The following SLC4A10 variants were observed in gnomAD, a reference collection of about 807,000 sequenced individuals.
The protein encoded by SLC4A10 is solute carrier family 4 member 10, also known as sodium-driven chloride bicarbonate exchanger.
Under a neutral mutation model 137.7 loss-of-function variants are expected in SLC4A10, and 42 were observed. That is an observed-to-expected ratio of 0.30 (90% CI 0.24 to 0.39). The LOEUF (loss-of-function observed/expected upper bound fraction) is 0.39, where lower values mean the gene tolerates loss of function less well. SLC4A10 is among the 10% of genes least tolerant of loss of function. SLC4A10 has a pLI of 1.00. For missense variants in SLC4A10, 925 were observed against 1,355.0 expected (o/e 0.68, Z 4.98); for synonymous variants, 474 against 464.1 (o/e 1.02, Z -0.27).
At chr2:161,789,237 G>A (rs796602753) in intron 2 of SLC4A10, among the ~76,000 whole-genome samples, 7 of 152,316 alleles carry the variant, frequency 4.6e-5, no homozygotes, top group Admixed American at 3.3e-4. Context: ...GATTTCAAGG[G>A]CAGAGGGGTT....
intron 3 of SLC4A10, among the ~76,000 whole-genome samples, chr2:161,839,298 G>A (rs780322578): frequency 6.6e-5 from 10 of 152,172 alleles, no homozygotes; most frequent in Non-Finnish European, 1.2e-4. Flanking sequence ...TGGTTGCTGG[G>A]GGCTACAAAA....
At chr2:161,692,851 G>C (rs2042131200) in intron 1 of SLC4A10, among the ~76,000 whole-genome samples, 1 of 151,854 alleles carries the variant, frequency 6.6e-6, no homozygotes, top group Non-Finnish European at 1.5e-5. Context: ...ATTACAATTT[G>C]ACTTTCCATG....
At chr2:161,657,455 T>C (rs962128817) in intron 1 of SLC4A10, among the ~76,000 whole-genome samples, 3 of 152,064 alleles carry the variant, frequency 2.0e-5, no homozygotes, top group African/African-American at 7.2e-5. Context: ...ATTAGTTGAG[T>C]AAAGTTATTA....
At chr2:161,977,606 TAG>T in intron 25 of SLC4A10, 114 bp from the exon 26 acceptor site, 4 of 808,442 alleles carry the variant, frequency 4.9e-6, no homozygotes, top group Non-Finnish European at 7.8e-6. Flanking sequence ...CTCTTTTTGT[TAG>T]AGAGTGATTG....
At chr2:161,969,696 T>C (rs866330568) in intron 23 of SLC4A10, among the ~76,000 whole-genome samples, 34 of 152,222 alleles carry the variant, frequency 2.2e-4, no homozygotes, top group African/African-American at 7.9e-4. Flanking sequence ...TCTTAACATA[T>C]ACACTATAGG....
intron 15 of SLC4A10, among the ~76,000 whole-genome samples, chr2:161,914,911 C>A (rs948718316): frequency 3.3e-5 from 5 of 152,126 alleles, no homozygotes; most frequent in African/African-American, 1.2e-4. Context: ...GAGTCCCTGG[C>A]AAAACCCCAC....
intron 1 of SLC4A10, among the ~76,000 whole-genome samples, chr2:161,681,332 A>G (rs2040828633): frequency 6.6e-6 from 1 of 152,174 alleles, no homozygotes; most frequent in Non-Finnish European, 1.5e-5. Context: ...TCAGAGACTC[A>G]CAGAATTTTG....
chr2:161,713,494 A>T (rs2044515861), intron 1 of SLC4A10, among the ~76,000 whole-genome samples: 1 of 151,730 alleles, frequency 6.6e-6, no homozygotes, highest in Non-Finnish European at 1.5e-5. Flanking sequence ...ACAAGCACTC[A>T]AAAGTCCTAG....
chr2:161,833,072 A>G (rs2058543560), intron 3 of SLC4A10, among the ~76,000 whole-genome samples: 1 of 152,190 alleles, frequency 6.6e-6, no homozygotes, highest in South Asian at 2.1e-4. Flanking sequence ...ACAATTTTAG[A>G]GATACATACC....
chr2:161,815,113 C>T (rs1191789963), intron 3 of SLC4A10, among the ~76,000 whole-genome samples: 1 of 151,840 alleles, frequency 6.6e-6, no homozygotes, highest in Non-Finnish European at 1.5e-5. Flanking sequence ...AATCTCAGGC[C>T]CCATCCAGAC....
chr2:161,752,546 A>G (rs1054000973), intron 1 of SLC4A10, among the ~76,000 whole-genome samples: 2 of 152,136 alleles, frequency 1.3e-5, no homozygotes, highest in Non-Finnish European at 2.9e-5. Flanking sequence ...GATATAAAAT[A>G]TAATTCTATG....
intron 15 of SLC4A10, among the ~76,000 whole-genome samples, chr2:161,921,816 T>C (rs1377058547): frequency 1.3e-5 from 2 of 152,334 alleles, no homozygotes; most frequent in African/African-American, 2.4e-5. Flanking sequence ...TTCTGACATA[T>C]TAAAGTAAAA....
rs147550445 is a variant in SLC4A10, at chr2:161,772,383, AAT to A, written c.130+1333_130+1334del. Among the ~76,000 whole-genome samples the A allele has an allele frequency of 6.5e-3, 984 of 152,028 alleles. 11 individuals carry two copies. The highest frequency in any genetic ancestry group is 0.022 in the African/African-American group (934 of 41,530). On this transcript the variant is annotated intron_variant, in intron 2 of 26. Coordinates refer to ENST00000446997, the MANE Select transcript of SLC4A10 (RefSeq NM_001178015.2). ...TAACAAAGCAAGATGGTAGCCTAGA[AAT>A]ATACTCAATTCCAAGAAAAAATCAT... is the stretch of plus-strand genomic sequence containing the variant.
chr2:161,686,023 A>G (rs913151374), intron 1 of SLC4A10, among the ~76,000 whole-genome samples: 11 of 152,216 alleles, frequency 7.2e-5, no homozygotes, highest in Non-Finnish European at 1.6e-4. Context: ...TTAGCCCCCA[A>G]CAGGAAAGTG....
At chr2:161,823,619 T>G (rs1240315069) in intron 3 of SLC4A10, among the ~76,000 whole-genome samples, 1 of 152,240 alleles carries the variant, frequency 6.6e-6, no homozygotes, top group African/African-American at 2.4e-5. Flanking sequence ...TTGCTTGACA[T>G]GTACTGCAGA....
chr2:161,901,023 T>C lies in SLC4A10; in HGVS notation c.1442+12T>C, dbSNP rs1682984312. ...CAGCGAACTGGAAGGTTAGTGAAAA[T>C]CACTTCTATGGGACTTCAAGGACCA... On this transcript the variant is annotated intron_variant, in intron 12 of 26. Coordinates refer to ENST00000446997, the MANE Select transcript of SLC4A10 (RefSeq NM_001178015.2). The C allele has an allele frequency of 6.5e-7, 1 of 1,542,556 alleles. No individual in the cohort carries two copies. The highest frequency in any genetic ancestry group is 2.4e-5 in the East Asian group (1 of 41,138).
chr2:161,865,686 T>C (rs539490471), intron 6 of SLC4A10, among the ~76,000 whole-genome samples: 159 of 152,110 alleles, frequency 1.0e-3, no homozygotes, highest in African/African-American at 3.7e-3. Context: ...GTAAATCTCC[T>C]ACCCAAAAGT....
intron 1 of SLC4A10, among the ~76,000 whole-genome samples, chr2:161,759,148 A>G (rs1158234821): frequency 6.6e-6 from 1 of 151,782 alleles, no homozygotes; most frequent in Admixed American, 6.6e-5. Context: ...TTGGTTGGAA[A>G]TTTTCTCAGT....
intron 26 of SLC4A10, among the ~76,000 whole-genome samples, chr2:161,982,161 A>G (rs1263638039): frequency 6.6e-6 from 1 of 152,178 alleles, no homozygotes; most frequent in Non-Finnish European, 1.5e-5. Context: ...CGAAGTTAAC[A>G]GTAAAAATGT....
Sources: allele counts gnomAD v4.1 joint callset (sites outside exome capture counted in the v4.1 genomes callset), GRCh38; gene constraint gnomAD v4.1.1; transcripts MANE v1.5; gene names NCBI Gene and HGNC (gene_info 2026-07-23, HGNC 2026-07-21).